Variants in CENPN observed in about 807,000 individuals in gnomAD.
The protein encoded by CENPN is centromere protein N.
CENPN carries 36 observed loss-of-function variants against 48.6 expected under a neutral mutation model. The observed-to-expected ratio is 0.74, with a 90% CI of 0.57 to 0.98. The LOEUF (loss-of-function observed/expected upper bound fraction) is 0.98. Among genes scored for constraint, CENPN ranks in the 50% least tolerant of loss-of-function variants. The pLI, the probability that CENPN is intolerant of heterozygous loss-of-function variation, is 0.00. For missense variants in CENPN, 439 were observed against 399.2 expected, an observed-to-expected ratio of 1.10 and a Z score of -0.85; for synonymous variants, 166 against 135.2, an observed-to-expected ratio of 1.23 and a Z score of -1.58.
intron 1 of CENPN, 63 bp downstream of exon 1, chr16:81,007,340 G>C (rs1205862032): frequency 2.0e-5 from 3 of 152,332 alleles, no homozygotes; most frequent in Non-Finnish European, 4.4e-5. Context: ...GAGGAAGCCA[G>C]ATCCCAGGCC....
chr16:81,014,508 C>A (rs1357570432), intron 3 of CENPN: 1 of 240,306 alleles, frequency 4.2e-6, no homozygotes, highest in Non-Finnish European at 8.1e-6. Flanking sequence ...TAGGTGTGAA[C>A]CGCTGTACTT....
chr16:81,013,491 G>C (rs115048439), intron 2 of CENPN, among the ~76,000 whole-genome samples: 2,168 of 152,294 alleles, frequency 0.014, 45 homozygotes, highest in African/African-American at 0.049. Flanking sequence ...ACTTTGGAAG[G>C]CCAAGGCAGG....
At position 81,028,988 on chromosome 16, in the gene CENPN, G is replaced by A. The variant is rs1970644990; in HGVS notation, c.*337G>A. The A allele has an allele frequency of 9.9e-7, 1 of 1,005,434 alleles. No individual in the cohort carries two copies. The highest frequency in any genetic ancestry group is 1.7e-5 in the African/African-American group (1 of 57,966). The allele number at this position is 1,005,434 out of a possible 1,614,324, so 62.3% of individuals were successfully genotyped here. A position where few individuals can be genotyped will look rare whatever the true frequency, so the allele number is the denominator to read the frequency against. On this transcript the variant is annotated 3_prime_UTR_variant, in exon 11 of 11. Transcript: ENST00000305850. Reference sequence around the variant, plus strand: ...TTTGGGTTTGTGTCCTTTTTTCTATGGCTGTCTCTTCTCAATTCTGGAGAG... The same window carrying A: ...TTTGGGTTTGTGTCCTTTTTTCTATAGCTGTCTCTTCTCAATTCTGGAGAG...
chr16:81,008,256 C>T (rs769905136), intron 1 of CENPN, among the ~76,000 whole-genome samples: 21 of 152,186 alleles, frequency 1.4e-4, no homozygotes, highest in Non-Finnish European at 2.6e-4. Context: ...AATCATCTGA[C>T]GTACTTTTTA....
rs1010169351 is a variant in CENPN at position 81,028,820 on chromosome 16, G to A, written c.*169G>A. 2.7e-5 allele frequency: 38 copies of A among 1,392,612 alleles called. No individual in the cohort carries two copies. The highest frequency in any genetic ancestry group is 2.7e-4 in the East Asian group (10 of 36,704). 86.3% of individuals were successfully genotyped at this position (1,392,612 alleles called of 1,614,324 possible). A position where few individuals can be genotyped will look rare whatever the true frequency, so the allele number is the denominator to read the frequency against. On this transcript the variant is annotated 3_prime_UTR_variant, in exon 11 of 11. Transcript: ENST00000305850. ...TGTTGGGACTGATTCATTCCTCCAC[G>A]ATATGCCTCCTCTCTCTGATATCCT...
At position 81,031,305 on chromosome 16, in the gene CENPN, G is replaced by C. The variant is rs1970764644; in HGVS notation, c.*2654G>C. On this transcript the variant is annotated 3_prime_UTR_variant, in exon 11 of 11. Transcript: ENST00000305850. ...CAACAGCACCAACCAATAAACTATG[G>C]ATTTTTGTACTAAGCCAGTTGCCTC... is the stretch of plus-strand genomic sequence containing the variant. 1 of 152,110 alleles carries C rather than the reference G, an allele frequency of 6.6e-6. No homozygotes were observed. Among genetic ancestry groups the C allele is most frequent in the South Asian group, 2.1e-4 (1 of 4,830 alleles). 9.4% of individuals were successfully genotyped at this position (152,110 alleles called of 1,614,324 possible). A position where few individuals can be genotyped will look rare whatever the true frequency, so the allele number is the denominator to read the frequency against.
At position 81,029,144 on chromosome 16, in the gene CENPN, G is replaced by C; in HGVS notation, c.*493G>C. On this transcript the variant is annotated 3_prime_UTR_variant, in exon 11 of 11. Transcript: ENST00000305850. ...GAAATTGGTCTATTCAAAGGATGGA[G>C]TTGAGTCCATTCTGTTATTGTTGCA... is the stretch of plus-strand genomic sequence containing the variant. The C allele has an allele frequency of 1.0e-6, 1 of 985,222 alleles. No individual in the cohort carries two copies. The highest frequency in any genetic ancestry group is 1.2e-6 in the Non-Finnish European group (1 of 829,762). 61.0% of individuals were successfully genotyped at this position (985,222 alleles called of 1,614,324 possible). A position where few individuals can be genotyped will look rare whatever the true frequency, so the allele number is the denominator to read the frequency against.
intron 3 of CENPN, among the ~76,000 whole-genome samples, chr16:81,015,974 C>A (rs753445967): frequency 1.3e-5 from 2 of 150,132 alleles, no homozygotes; most frequent in East Asian, 4.0e-4. Flanking sequence ...CACTGCACTC[C>A]AGCCTGGCGA....
At chr16:81,023,655 G>A (rs541389964) in intron 7 of CENPN, 10 of 152,310 alleles carry the variant, frequency 6.6e-5, no homozygotes, top group African/African-American at 2.2e-4. Context: ...CGACAGTAGT[G>A]GCCAGGCACC....
At chr16:81,024,183 G>T (rs897649327) in intron 7 of CENPN, 6 of 151,872 alleles carry the variant, frequency 4.0e-5, no homozygotes, top group Non-Finnish European at 8.8e-5. Context: ...TGAGGCTGCA[G>T]TGAGCCATGA....
chr16:81,018,766 T>G (rs891104545), intron 5 of CENPN, among the ~76,000 whole-genome samples: 10 of 152,186 alleles, frequency 6.6e-5, no homozygotes, highest in African/African-American at 2.4e-4. Flanking sequence ...TCTCCTGCAC[T>G]GAGGGAATTT....
chr16:81,020,043 G>A (rs1970109967), intron 5 of CENPN, 57 bp from the exon 6 acceptor site: 2 of 1,521,804 alleles, frequency 1.3e-6, no homozygotes, highest in East Asian at 2.3e-5. Context: ...CCTGGAGTTG[G>A]TGCCACAGTG....
At chr16:81,019,939 G>A (rs1970105081) in intron 5 of CENPN, among the ~76,000 whole-genome samples, 161 bp from the exon 6 acceptor site, 1 of 150,116 alleles carries the variant, frequency 6.7e-6, no homozygotes, top group Non-Finnish European at 1.5e-5. Context: ...TTTTCCCAAA[G>A]ATTCTCAAAA....
intron 8 of CENPN, among the ~76,000 whole-genome samples, chr16:81,026,139 A>G (rs967014728): frequency 4.8e-4 from 27 of 56,226 alleles, no homozygotes; most frequent in South Asian, 1.3e-3. Flanking sequence ...GTGTATATAT[A>G]TATGTATATA....
intron 5 of CENPN, 39 bp downstream of exon 5, chr16:81,017,873 C>A (rs142979490): frequency 8.1e-7 from 1 of 1,233,844 alleles, no homozygotes; most frequent in South Asian, 1.3e-5. Flanking sequence ...AATTCAATGT[C>A]ATGACGTCTG....
chr16:81,016,559 C>A (rs889353686), intron 3 of CENPN, among the ~76,000 whole-genome samples: 3 of 152,064 alleles, frequency 2.0e-5, no homozygotes, highest in African/African-American at 7.2e-5. Context: ...GTCAGGAGTT[C>A]GACACTAACC....
chr16:81,017,610 G>T, intron 4 of CENPN, 148 bp from the exon 5 acceptor site: 1 of 693,624 alleles, frequency 1.4e-6, no homozygotes, highest in Non-Finnish European at 2.5e-6. Flanking sequence ...TTGGTGCCAT[G>T]TCAGAAGTAC....
intron 4 of CENPN, 62 bp from the exon 5 acceptor site, chr16:81,017,696 T>G: frequency 8.8e-7 from 1 of 1,134,362 alleles, no homozygotes; most frequent in South Asian, 1.4e-5. Context: ...ACTTTACGAA[T>G]GTATTTACTG....
chr16:81,028,235 G>C lies in CENPN; in HGVS notation c.875G>C (p.Arg292Pro), dbSNP rs763647933. The change falls in exon 10 of 11, where the codon CGA (arginine) becomes CCA (proline). Residue 292 changes from arginine to proline, a missense_variant. Arg to Pro is a moderately radical substitution (Grantham distance 103, BLOSUM62 -2). Transcript: ENST00000305850. Reference protein sequence around the residue: ...SILAEREEPLRCLIKFSSPHL... With the variant: ...SILAEREEPLPCLIKFSSPHL... The stretch of plus-strand genomic sequence containing the variant: ...TTGGCTGAGAGGGAAGAACCCCTCC[G>C]ATGCCTAATAAAGTTCTCTAGCCCA... 6.2e-7 allele frequency: 1 copy of C among 1,613,518 alleles called. No homozygotes were observed. The highest frequency in any genetic ancestry group is 8.5e-7 in the Non-Finnish European group (1 of 1,179,554).
Sources: allele counts gnomAD v4.1 joint callset (sites outside exome capture counted in the v4.1 genomes callset), GRCh38; gene constraint gnomAD v4.1.1; transcripts MANE v1.5; gene names NCBI Gene and HGNC (gene_info 2026-07-23, HGNC 2026-07-21).